The following HDAC9 variants were observed in gnomAD, a reference collection of about 807,000 sequenced individuals.
HDAC9 encodes histone deacetylase 9.
A neutral mutation model predicts 139.4 loss-of-function variants in HDAC9; 41 were observed. The ratio of observed to expected loss-of-function variants is 0.29; its 90% CI spans 0.23 to 0.38. The LOEUF (loss-of-function observed/expected upper bound fraction) is 0.38. Among genes scored for constraint, HDAC9 ranks in the 10% least tolerant of loss-of-function variants. The pLI is 1.00. For missense variants in HDAC9, 1,147 were observed against 1,297.0 expected (o/e 0.88, Z 1.78); for synonymous variants, 517 against 476.2 (o/e 1.09, Z -1.12).
At chr7:18,633,337 C>G (rs1380566612) in intron 7 of HDAC9, among the ~76,000 whole-genome samples, 10 of 151,990 alleles carry the variant, frequency 6.6e-5, no homozygotes, top group African/African-American at 2.2e-4. Context: ...AGCTATATTG[C>G]CAAGGCTTGA....
chr7:18,331,098 A>G (rs1188386378), intron 1 of HDAC9, among the ~76,000 whole-genome samples: 1 of 151,732 alleles, frequency 6.6e-6, no homozygotes, highest in East Asian at 1.9e-4. Context: ...AGGTACAACT[A>G]TCAAGAGGTA....
chr7:18,633,541 T>A (rs2128987685), intron 7 of HDAC9, among the ~76,000 whole-genome samples: 1 of 152,100 alleles, frequency 6.6e-6, no homozygotes, highest in East Asian at 1.9e-4. Context: ...AGAAATGCCT[T>A]ATATTTGAAA....
intron 22 of HDAC9, among the ~76,000 whole-genome samples, chr7:18,897,455 C>G (rs535619499): frequency 7.9e-5 from 12 of 151,868 alleles, no homozygotes; most frequent in Non-Finnish European, 1.8e-4. Flanking sequence ...AATGTGACTC[C>G]TAAAATGCAG....
At chr7:18,243,692 G>C (rs952443963) in intron 2 of HDAC9, among the ~76,000 whole-genome samples, 1 of 152,204 alleles carries the variant, frequency 6.6e-6, no homozygotes, top group African/African-American at 2.4e-5. Context: ...TGTTTGTTTT[G>C]TTTACTTGAA....
chr7:18,720,360 T>C (rs1477304311), intron 12 of HDAC9, among the ~76,000 whole-genome samples: 1 of 151,744 alleles, frequency 6.6e-6, no homozygotes, highest in African/African-American at 2.4e-5. Flanking sequence ...AATGTTTTAA[T>C]GGATTTATTC....
rs76070012 is a variant in HDAC9, at chr7:18,960,096, A to G, written c.3022+5866A>G. Among the ~76,000 whole-genome samples the G allele has an allele frequency of 4.6e-5, 7 of 152,038 alleles. No homozygotes were observed. The East Asian group carries it at 1.4e-3, about 29-fold the overall frequency. On this transcript the variant is annotated intron_variant, in intron 24 of 25. Coordinates refer to ENST00000686413, the MANE Select transcript of HDAC9 (RefSeq NM_178425.4). ...ATTTATAATCCTCAGAATTTATCCA[A>G]CTTTTGAGGACAATTTGAAAATGGA... is the stretch of plus-strand genomic sequence containing the variant.
intron 13 of HDAC9, among the ~76,000 whole-genome samples, chr7:18,748,028 C>T (rs919305308): frequency 1.3e-5 from 2 of 152,058 alleles, no homozygotes; most frequent in African/African-American, 2.4e-5. Context: ...AAATATACTT[C>T]GATGGTCATT....
chr7:18,481,305 G>C (rs1279803363), intron 1 of HDAC9, among the ~76,000 whole-genome samples: 1 of 152,130 alleles, frequency 6.6e-6, no homozygotes, highest in East Asian at 1.9e-4. Flanking sequence ...TTGTTATTTA[G>C]AGTACATATT....
intron 1 of HDAC9, among the ~76,000 whole-genome samples, chr7:18,478,150 C>G (rs1452904970): frequency 1.3e-5 from 2 of 152,020 alleles, no homozygotes; most frequent in Admixed American, 1.3e-4. Context: ...GGGCTCACTG[C>G]AAGCTCCGCC....
intron 2 of HDAC9, among the ~76,000 whole-genome samples, chr7:18,526,371 A>G (rs568549538): frequency 1.6e-4 from 25 of 152,338 alleles, no homozygotes; most frequent in Non-Finnish European, 3.2e-4. Context: ...CTATAAAGAT[A>G]GCAAAATACT....
intron 24 of HDAC9, among the ~76,000 whole-genome samples, chr7:18,971,472 T>C (rs1784239989): frequency 6.6e-6 from 1 of 152,246 alleles, no homozygotes; most frequent in African/African-American, 2.4e-5. Flanking sequence ...ATAATGGTGA[T>C]ATTATTCCTA....
At chr7:18,324,914 A>T (rs1296119239) in intron 1 of HDAC9, among the ~76,000 whole-genome samples, 1 of 152,194 alleles carries the variant, frequency 6.6e-6, no homozygotes, top group African/African-American at 2.4e-5. Context: ...AGTTGAAAAT[A>T]GTATAAAGTT....
chr7:18,408,236 A>G (rs910125141), intron 1 of HDAC9, among the ~76,000 whole-genome samples: 8 of 152,210 alleles, frequency 5.3e-5, no homozygotes, highest in African/African-American at 1.4e-4. Flanking sequence ...TATCAGCTAC[A>G]TGAAGGCAAG....
intron 14 of HDAC9, among the ~76,000 whole-genome samples, chr7:18,750,189 A>G (rs748562734): frequency 1.3e-5 from 2 of 152,166 alleles, no homozygotes; most frequent in African/African-American, 4.8e-5. Flanking sequence ...TCTGCAAACT[A>G]CTAAAAATAA....
At chr7:18,985,230 C>T (rs1785244678) in intron 25 of HDAC9, among the ~76,000 whole-genome samples, 1 of 152,106 alleles carries the variant, frequency 6.6e-6, no homozygotes, top group Non-Finnish European at 1.5e-5. Context: ...CCCCCCAACC[C>T]CACAACAGAC....
chr7:18,400,616 A>C (rs529948685), intron 1 of HDAC9, among the ~76,000 whole-genome samples: 1 of 152,334 alleles, frequency 6.6e-6, no homozygotes, highest in South Asian at 2.1e-4. Context: ...GAATGGGAGC[A>C]GATGCTGAAA....
intron 2 of HDAC9, among the ~76,000 whole-genome samples, chr7:18,584,631 T>G (rs914941802): frequency 1.3e-5 from 2 of 152,230 alleles, no homozygotes; most frequent in Admixed American, 6.5e-5. Context: ...ATGAGGTAGC[T>G]GAGATACAGA....
chr7:18,157,673 T>G (rs1365235095), intron 1 of HDAC9, among the ~76,000 whole-genome samples: 22 of 152,190 alleles, frequency 1.4e-4, no homozygotes, highest in Admixed American at 1.4e-3. Flanking sequence ...AATCTAAGGT[T>G]TCCATATTGG....
chr7:18,624,819 G>T (rs1187174237), intron 6 of HDAC9, among the ~76,000 whole-genome samples: 2 of 151,768 alleles, frequency 1.3e-5, no homozygotes, highest in African/African-American at 2.4e-5. Flanking sequence ...ATAGAGCATT[G>T]CCAGGACTAA....
Sources: gnomAD v4.1 joint callset for allele counts (sites outside exome capture counted in the v4.1 genomes callset) on GRCh38, gnomAD v4.1.1 for gene constraint, MANE v1.5 for transcripts, NCBI Gene and HGNC (gene_info 2026-07-23, HGNC 2026-07-21) for gene names.